The following CPA3 variants were observed in gnomAD, a reference collection of about 807,000 sequenced individuals.
CPA3 encodes carboxypeptidase A3, also known as mast cell carboxypeptidase A.
In CPA3, 52 loss-of-function variants were observed where a neutral mutation model predicts 55.8. The observed-to-expected ratio is 0.93, with a 90% CI of 0.75 to 1.17. The LOEUF (loss-of-function observed/expected upper bound fraction) is 1.17. CPA3 is among the 50% of genes most tolerant of loss of function. The pLI is 0.00. For missense variants in CPA3, 547 were observed against 509.1 expected, an observed-to-expected ratio of 1.07 and a Z score of -0.72; for synonymous variants, 179 against 171.2, an observed-to-expected ratio of 1.05 and a Z score of -0.36.
At chr3:148,883,581 A>C in intron 8 of CPA3, 32 bp from the exon 9 acceptor site, 1 of 1,564,282 alleles carries the variant, frequency 6.4e-7, no homozygotes, top group Non-Finnish European at 8.8e-7. Context: ...TGGGGAGCAG[A>C]CTGTGGTCTC....
At chr3:148,871,929 C>G (rs996834666) in intron 3 of CPA3, among the ~76,000 whole-genome samples, 7 of 152,108 alleles carry the variant, frequency 4.6e-5, no homozygotes, top group Non-Finnish European at 8.8e-5. Flanking sequence ...CAGTCAGTAA[C>G]AGAAAAGAGT....
intron 2 of CPA3, among the ~76,000 whole-genome samples, chr3:148,866,399 T>C (rs190561823): frequency 6.6e-6 from 1 of 152,318 alleles, no homozygotes; most frequent in East Asian, 1.9e-4. Flanking sequence ...ATTTCCATAG[T>C]CCCTTAACTA....
intron 3 of CPA3, among the ~76,000 whole-genome samples, chr3:148,871,864 TACTAATTATATAGATAATTTTA>T (rs1576579761): frequency 1.3e-5 from 2 of 152,230 alleles, no homozygotes; most frequent in East Asian, 3.8e-4. Flanking sequence ...TGTCTCCAAG[TACTAATTATATAGATAATTTTA>T]TTTGCATATT....
rs560520106 is a variant in CPA3 at position 148,874,386 on chromosome 3, G to A, written c.270-4055G>A. ...GGTTTCTCCACTTCTATTAATGCAGGTGGAGCAAAAGCCACGTGCCCTTTT... is the reference window on the plus strand; with the variant it reads ...GGTTTCTCCACTTCTATTAATGCAGATGGAGCAAAAGCCACGTGCCCTTTT... On this transcript the variant is annotated intron_variant, in intron 3 of 10. Coordinates refer to ENST00000296046, the MANE Select transcript of CPA3 (RefSeq NM_001870.4). 3.7e-4 allele frequency among the ~76,000 whole-genome samples: 57 copies of A among 152,216 alleles called. 2 individuals carry two copies. In the South Asian group the frequency reaches 0.011, roughly 28 times the overall value.
intron 6 of CPA3, among the ~76,000 whole-genome samples, chr3:148,881,240 A>G (rs769987166): frequency 1.3e-5 from 2 of 152,180 alleles, no homozygotes; most frequent in African/African-American, 2.4e-5. Flanking sequence ...CAATCTTTCT[A>G]TGAAACATAT....
At chr3:148,866,168 T>A (rs530745215) in intron 2 of CPA3, among the ~76,000 whole-genome samples, 2 of 152,350 alleles carry the variant, frequency 1.3e-5, no homozygotes, top group East Asian at 3.9e-4. Flanking sequence ...ACAGAAGAGC[T>A]AAAGTGCAAA....
chr3:148,874,978 C>T (rs113690336), intron 3 of CPA3, among the ~76,000 whole-genome samples: 1 of 152,146 alleles, frequency 6.6e-6, no homozygotes, highest in African/African-American at 2.4e-5. Context: ...TCATTTCATC[C>T]TCACCACAAG....
chr3:148,882,395 T>C lies in CPA3; in HGVS notation c.688-110T>C, dbSNP rs1016086165. 2.8e-5 allele frequency: 20 copies of C among 712,180 alleles called. No individual in the cohort carries two copies. In the African/African-American group the frequency reaches 3.4e-4, roughly 12 times the overall value. 44.1% of individuals were successfully genotyped at this position (712,180 alleles called of 1,614,324 possible). ...TTATAATAAAGGGCCTCAAGTTAAC[T>C]AGATAGATTTCAAATAAAGTTGCAG... On this transcript the variant is annotated intron_variant, in intron 7 of 10. Coordinates refer to ENST00000296046, the MANE Select transcript of CPA3 (RefSeq NM_001870.4).
intron 10 of CPA3, among the ~76,000 whole-genome samples, chr3:148,892,857 A>AGTCCCGGCTACTTGGGAGGCT (rs1553770182): frequency 1.4e-4 from 4 of 28,086 alleles, no homozygotes; most frequent in Admixed American, 8.2e-4. Flanking sequence ...AGGCGCCTGT[A>AGTCCCGGCTACTTGGGAGGCT]GAGAGGAGAA....
intron 3 of CPA3, among the ~76,000 whole-genome samples, chr3:148,875,304 A>G (rs1030782206): frequency 3.3e-5 from 5 of 152,250 alleles, no homozygotes; most frequent in African/African-American, 4.8e-5. Flanking sequence ...ATATAGAGTC[A>G]ATGAGAAATG....
In CPA3 at chr3:148,896,800, A is replaced by G. The variant is rs1050871943; in HGVS notation, c.*93A>G. The G allele has an allele frequency of 2.8e-5, 29 of 1,051,312 alleles. No individual in the cohort carries two copies. The African/African-American group carries it at 4.4e-4, about 16-fold the overall frequency. 65.1% of individuals were successfully genotyped at this position (1,051,312 alleles called of 1,614,324 possible). ...TCAGTTATCCCCAAATGCAGCTTCT[A>G]TTTCACCTGAATCCTTCTCTTGCTC... On this transcript the variant is annotated 3_prime_UTR_variant, in exon 11 of 11. Transcript: ENST00000296046.
Position 148,881,501 on chromosome 3 carries a change from AT to A in CPA3, c.577-13del, listed in dbSNP as rs761787770. On this transcript the variant is annotated intron_variant, in intron 6 of 10. Coordinates refer to ENST00000296046, the MANE Select transcript of CPA3 (RefSeq NM_001870.4). ...AGCTAAACTTCATACCAATAGCTTA[AT>A]TTTTTTTCACCTCCGACAGGCAACC... 434 of 1,498,784 alleles carry A rather than the reference AT, an allele frequency of 2.9e-4. No homozygotes were observed. The highest frequency in any genetic ancestry group is 3.8e-4 in the South Asian group (33 of 87,508). The allele number at this position is 1,498,784 out of a possible 1,614,324, so 92.8% of individuals were successfully genotyped here.
chr3:148,888,087 TA>T (rs1481571293), intron 10 of CPA3, among the ~76,000 whole-genome samples: 1 of 152,234 alleles, frequency 6.6e-6, no homozygotes, highest in African/African-American at 2.4e-5. Context: ...ATCTGTGCAT[TA>T]AAAAATACAT....
rs554159343 is a variant in CPA3 at position 148,885,808 on chromosome 3, A to T, written c.982-285A>T. ...AAATGCCAAATACCTGGTAAATTTG[A>T]CTTTTTTCATCCCTAGTAATTTACA... On this transcript the variant is annotated intron_variant, in intron 9 of 10. Transcript: ENST00000296046. 6.6e-5 allele frequency among the ~76,000 whole-genome samples: 10 copies of T among 152,194 alleles called. No homozygotes were observed. The East Asian group carries it at 1.2e-3, about 18-fold the overall frequency.
intron 10 of CPA3, among the ~76,000 whole-genome samples, chr3:148,886,428 G>C (rs1338175100): frequency 6.6e-6 from 1 of 152,064 alleles, no homozygotes; most frequent in African/African-American, 2.4e-5. Context: ...AAGCTATTAA[G>C]TCAAGACAGA....
intron 10 of CPA3, among the ~76,000 whole-genome samples, chr3:148,891,973 A>C (rs1285991712): frequency 6.6e-6 from 1 of 152,206 alleles, no homozygotes. Context: ...AATCTGTTTG[A>C]TCACTGAAGC....
chr3:148,878,899 A>G (rs1714285458), intron 5 of CPA3, 151 bp downstream of exon 5: 1 of 577,206 alleles, frequency 1.7e-6, no homozygotes, highest in Non-Finnish European at 3.0e-6. Context: ...AAGAATAGAA[A>G]TGACAAGCGG....
At chr3:148,873,027 C>CACAT (rs1480707499) in intron 3 of CPA3, among the ~76,000 whole-genome samples, 4 of 9,302 alleles carry the variant, frequency 4.3e-4, no homozygotes, top group African/African-American at 5.1e-4. Context: ...TCTATGAATA[C>CACAT]ACACACACAC....
chr3:148,885,623 G>A (rs1714509565), intron 9 of CPA3, among the ~76,000 whole-genome samples: 1 of 151,854 alleles, frequency 6.6e-6, no homozygotes, highest in South Asian at 2.1e-4. Context: ...TGCTAGCCAG[G>A]ATGGTCTCCA....
Sources: allele counts gnomAD v4.1 joint callset (sites outside exome capture counted in the v4.1 genomes callset), GRCh38; gene constraint gnomAD v4.1.1; transcripts MANE v1.5; gene names NCBI Gene and HGNC (gene_info 2026-07-23, HGNC 2026-07-21).